Variants in AUTS2 observed in about 807,000 individuals in gnomAD.
AUTS2 encodes the protein activator of transcription and developmental regulator AUTS2.
AUTS2 carries 17 observed loss-of-function variants against 112.4 expected under a neutral mutation model. The ratio of observed to expected loss-of-function variants is 0.15; its 90% CI spans 0.10 to 0.23. The LOEUF is 0.23. Among genes scored for constraint, AUTS2 ranks in the 10% least tolerant of loss-of-function variants. AUTS2 has a pLI of 1.00. For synonymous variants in AUTS2, 751 were observed against 702.7 expected (o/e 1.07, Z -1.09); for missense variants, 1,510 against 1,701.6 (o/e 0.89, Z 1.98).
Position 69,754,556 on chromosome 7 carries a change from TA to T in AUTS2, c.310-144729del, listed in dbSNP as rs1397417486. Among the ~76,000 whole-genome samples the T allele has an allele frequency of 3.3e-5, 5 of 151,770 alleles. No homozygotes were observed. In the East Asian group the frequency reaches 9.7e-4, roughly 29 times the overall value. On this transcript the variant is annotated intron_variant, in intron 1 of 18. Transcript: ENST00000342771. ...TAGAAGATGAAGGGTGGATGGTGAGTAGAGTAGAAATAGGAACACAGAAGAC... is the reference window on the plus strand; with the variant it reads ...TAGAAGATGAAGGGTGGATGGTGAGTGAGTAGAAATAGGAACACAGAAGAC...
chr7:70,045,854 C>A (rs993421697), intron 2 of AUTS2, among the ~76,000 whole-genome samples: 4 of 147,938 alleles, frequency 2.7e-5, no homozygotes, highest in Non-Finnish European at 5.9e-5. Context: ...TATCAAACTC[C>A]TGACCTCATG....
intron 4 of AUTS2, among the ~76,000 whole-genome samples, chr7:70,142,707 G>A (rs920039169): frequency 1.3e-5 from 2 of 152,152 alleles, no homozygotes; most frequent in Admixed American, 6.6e-5. Flanking sequence ...AAGCGGTAAA[G>A]GCTTTAGCAC....
intron 4 of AUTS2, among the ~76,000 whole-genome samples, chr7:70,404,057 C>G (rs1211549950): frequency 2.0e-5 from 3 of 152,142 alleles, no homozygotes; most frequent in Non-Finnish European, 4.4e-5. Context: ...CTTATCCGTC[C>G]CTAATCTCCA....
At chr7:69,966,114 T>C (rs190943061) in intron 2 of AUTS2, among the ~76,000 whole-genome samples, 4 of 152,312 alleles carry the variant, frequency 2.6e-5, no homozygotes, top group African/African-American at 9.6e-5. Flanking sequence ...TCTTTTTCCA[T>C]GAGGACATTT....
At chr7:69,660,884 A>C (rs1795757400) in intron 1 of AUTS2, among the ~76,000 whole-genome samples, 2 of 152,252 alleles carry the variant, frequency 1.3e-5, no homozygotes, top group African/African-American at 4.8e-5. Context: ...CGGTGAGCTG[A>C]GATCGCGCCA....
At chr7:69,658,176 A>G (rs1335524221) in intron 1 of AUTS2, among the ~76,000 whole-genome samples, 5 of 152,258 alleles carry the variant, frequency 3.3e-5, no homozygotes, top group Non-Finnish European at 5.9e-5. Context: ...GCACTACAAC[A>G]GCAGAATTGA....
At chr7:70,449,441 A>G (rs1227441698) in intron 5 of AUTS2, among the ~76,000 whole-genome samples, 2 of 152,120 alleles carry the variant, frequency 1.3e-5, no homozygotes, top group Non-Finnish European at 2.9e-5. Flanking sequence ...ATGGGTAGAG[A>G]GACGGGACCA....
intron 1 of AUTS2, among the ~76,000 whole-genome samples, chr7:69,678,032 A>G (rs1584055198): frequency 3.3e-5 from 5 of 152,198 alleles, no homozygotes; most frequent in Admixed American, 2.6e-4. Flanking sequence ...TAAGGTTGGC[A>G]GTGATGCTGC....
Position 70,790,252 on chromosome 7 carries a change from C to T in AUTS2, c.3036C>T (p.Ser1012=). 1 of 1,612,866 alleles carries T rather than the reference C, an allele frequency of 6.2e-7. No individual in the cohort carries two copies. The highest frequency in any genetic ancestry group is 1.7e-5 in the Admixed American group (1 of 59,978). Residue 1012 remains serine, a synonymous_variant, in exon 19 of 19, where the codon TCC becomes TCT. Coordinates refer to ENST00000342771, the MANE Select transcript of AUTS2 (RefSeq NM_015570.4). The surrounding 1 kb of genome is among the most constrained non-coding windows in gnomAD (Gnocchi z 7.6). The part of the protein sequence containing the change: ...ASEPPPPNSS[S]SVHPGPLASM... ...AGCCGCCGCCTCCCAACTCCTCGTC[C>T]AGCGTGCACCCGGGGCCCCTGGCCT...
chr7:70,225,372 T>C (rs1218171959), intron 4 of AUTS2, among the ~76,000 whole-genome samples: 3 of 152,226 alleles, frequency 2.0e-5, no homozygotes, highest in Admixed American at 2.0e-4. Context: ...CCTGAAAAGT[T>C]TATGTAGAAA....
chr7:70,239,731 G>A lies in AUTS2; in HGVS notation c.660+105160G>A, dbSNP rs148301291. Among the ~76,000 whole-genome samples the A allele has an allele frequency of 3.0e-3, 453 of 152,080 alleles. 1 individual carries two copies. Among genetic ancestry groups the A allele is most frequent in the Middle Eastern group, 0.01 (3 of 292 alleles). ...ATTACAGGCGTGAGCCACCATACCC[G>A]GCCCCTGCAACCTAATTTTTAAGGA... On this transcript the variant is annotated intron_variant, in intron 4 of 18. Coordinates refer to ENST00000342771, the MANE Select transcript of AUTS2 (RefSeq NM_015570.4).
chr7:70,078,697 G>T (rs956919597), intron 2 of AUTS2, among the ~76,000 whole-genome samples: 1 of 152,158 alleles, frequency 6.6e-6, no homozygotes, highest in Non-Finnish European at 1.5e-5. Context: ...AACCCCTGAA[G>T]GGAGAAAGGA....
chr7:69,842,466 A>G (rs1792023917), intron 1 of AUTS2, among the ~76,000 whole-genome samples: 1 of 152,204 alleles, frequency 6.6e-6, no homozygotes, highest in Non-Finnish European at 1.5e-5. Context: ...GAAACATCTG[A>G]AGTCTCCTGT....
chr7:70,710,073 A>G (rs888298267), intron 6 of AUTS2, among the ~76,000 whole-genome samples: 3 of 152,142 alleles, frequency 2.0e-5, no homozygotes, highest in Admixed American at 6.5e-5. Context: ...GCTTGCCTGC[A>G]TCTTGGGTGC....
Position 69,939,011 on chromosome 7 carries a change from A to G in AUTS2, c.522+39513A>G, listed in dbSNP as rs142548114. Among the ~76,000 whole-genome samples the G allele has an allele frequency of 2.1e-3, 325 of 152,350 alleles. 1 individual carries two copies. Among genetic ancestry groups the G allele is most frequent in the African/African-American group, 7.4e-3 (307 of 41,582 alleles). ...AACTGCTATAGATATATTTGATTTAAGTAAATCAATTTGTAAAGATTTAGA... is the reference window on the plus strand; with the variant it reads ...AACTGCTATAGATATATTTGATTTAGGTAAATCAATTTGTAAAGATTTAGA... On this transcript the variant is annotated intron_variant, in intron 2 of 18. Transcript: ENST00000342771.
In AUTS2 at chr7:70,687,516, A is replaced by G. The variant is rs1783230062; in HGVS notation, c.691-11053A>G. On this transcript the variant is annotated intron_variant, in intron 5 of 18. Coordinates refer to ENST00000342771, the MANE Select transcript of AUTS2 (RefSeq NM_015570.4). ...CCTTTGTAGTTTATAGTACATTGTG[A>G]AGTTTGAAAGTAAAATTCCTTTCCT... 2.0e-5 allele frequency among the ~76,000 whole-genome samples: 3 copies of G among 152,142 alleles called. No individual in the cohort carries two copies. In the South Asian group the frequency reaches 6.2e-4, roughly 32 times the overall value.
chr7:70,108,004 C>CT (rs1297973150), intron 2 of AUTS2, among the ~76,000 whole-genome samples: 1 of 148,942 alleles, frequency 6.7e-6, no homozygotes, highest in Non-Finnish European at 1.5e-5. Context: ...GAGCGAGACT[C>CT]TGTCTCAAAA....
At chr7:70,603,475 G>A (rs936512219) in intron 5 of AUTS2, among the ~76,000 whole-genome samples, 15 of 152,176 alleles carry the variant, frequency 9.9e-5, no homozygotes, top group Non-Finnish European at 2.9e-5. Flanking sequence ...CGTCGCTGGG[G>A]TCTGGCACCC....
intron 6 of AUTS2, among the ~76,000 whole-genome samples, chr7:70,739,003 C>CTTTTTTTTTTTTTTTTTTTTTT (rs57525224): frequency 1.0e-4 from 6 of 57,298 alleles, no homozygotes; most frequent in Non-Finnish European, 1.9e-4. Context: ...GTTTTGAGGC[C>CTTTTTTTTTTTTTTTTTTTTTT]TTTTTTTTTT....
Sources: gnomAD v4.1 joint callset for allele counts (sites outside exome capture counted in the v4.1 genomes callset) on GRCh38, gnomAD v4.1.1 for gene constraint, Gnocchi (gnomAD v3.1) non-coding constraint, MANE v1.5 for transcripts, NCBI Gene and HGNC (gene_info 2026-07-23, HGNC 2026-07-21) for gene names.